The following RNF2 variants were observed in gnomAD, a reference collection of about 807,000 sequenced individuals.
RNF2 encodes ring finger protein 2.
Under a neutral mutation model 37.2 loss-of-function variants are expected in RNF2, and 6 were observed. The observed-to-expected ratio is 0.16, with a 90% CI of 0.09 to 0.32. The LOEUF (loss-of-function observed/expected upper bound fraction) is 0.32. Ranked by LOEUF, RNF2 falls within the 10% of genes least tolerant of loss-of-function variation. The probability of loss-of-function intolerance (pLI) is 1.00; values close to 1 mark genes in which losing one functional copy is unlikely to be tolerated. For synonymous variants in RNF2, 133 were observed against 132.7 expected (o/e 1.00, Z -0.02); for missense variants, 251 against 404.0 (o/e 0.62, Z 3.25).
chr1:185,097,507 CAATT>C (rs1468381341), intron 4 of RNF2, among the ~76,000 whole-genome samples: 38 of 152,208 alleles, frequency 2.5e-4, no homozygotes, highest in Non-Finnish European at 8.8e-5. Context: ...AAAGATTTGT[CAATT>C]AATTCTTATA....
At chr1:185,056,841 A>G (rs1650448698) in intron 1 of RNF2, among the ~76,000 whole-genome samples, 1 of 152,182 alleles carries the variant, frequency 6.6e-6, no homozygotes, top group African/African-American at 2.4e-5. Context: ...TTCATTTTTA[A>G]AATTTATTTT....
In RNF2 at chr1:185,087,496, C is replaced by G. The variant is rs145695013; in HGVS notation, c.-2-56C>G. ...TTTTGGTGGGACACATACATTCAGA[C>G]CATAGCACTTCCCTTCCAAATACTA... is the stretch of plus-strand genomic sequence containing the variant. On this transcript the variant is annotated intron_variant, in intron 1 of 6. Coordinates refer to ENST00000367510, the MANE Select transcript of RNF2 (RefSeq NM_007212.4). The G allele has an allele frequency of 1.3e-4, 179 of 1,422,970 alleles. No homozygotes were observed. The African/African-American group carries it at 2.3e-3, about 18-fold the overall frequency. The allele number at this position is 1,422,970 out of a possible 1,614,324, so 88.1% of individuals were successfully genotyped here.
At chr1:185,064,907 T>A (rs1650754855) in intron 1 of RNF2, among the ~76,000 whole-genome samples, 1 of 152,194 alleles carries the variant, frequency 6.6e-6, no homozygotes, top group South Asian at 2.1e-4. Context: ...TGAAACTGAT[T>A]GTTTTGTTTT....
At chr1:185,058,368 C>G (rs1303894485) in intron 1 of RNF2, among the ~76,000 whole-genome samples, 1 of 152,096 alleles carries the variant, frequency 6.6e-6, no homozygotes, top group Non-Finnish European at 1.5e-5. Context: ...GGACTGTACT[C>G]TGTAATTTTG....
At position 185,076,268 on chromosome 1, in the gene RNF2, G is replaced by GTTTTTTTTTTTTTTTT. The variant is rs71101959; in HGVS notation, c.-2-11259_-2-11244dup. The stretch of plus-strand genomic sequence containing the variant: ...TTTTCTTCTAGATCTTTTATGGGTT[G>GTTTTTTTTTTTTTTTT]TTTTTTTTTTTTTTTTTTTTTTTTT... On this transcript the variant is annotated intron_variant, in intron 1 of 6. Coordinates refer to ENST00000367510, the MANE Select transcript of RNF2 (RefSeq NM_007212.4). 1.8e-3 allele frequency among the ~76,000 whole-genome samples: 48 copies of GTTTTTTTTTTTTTTTT among 27,344 alleles called. 20 individuals carry two copies. The highest frequency in any genetic ancestry group is 3.0e-3 in the Non-Finnish European group (40 of 13,180). The allele number at this position is 27,344 out of a possible 152,430, so 17.9% of individuals were successfully genotyped here. A position where few individuals can be genotyped will look rare whatever the true frequency, so the allele number is the denominator to read the frequency against.
chr1:185,094,292 G>A (rs939299276), intron 4 of RNF2, among the ~76,000 whole-genome samples: 1 of 151,896 alleles, frequency 6.6e-6, no homozygotes, highest in Non-Finnish European at 1.5e-5. Flanking sequence ...ACAGGTGCAC[G>A]CCACCATGCC....
At chr1:185,097,798 G>A (rs776634748) in intron 4 of RNF2, among the ~76,000 whole-genome samples, 1 of 152,226 alleles carries the variant, frequency 6.6e-6, no homozygotes, top group Non-Finnish European at 1.5e-5. Flanking sequence ...GCCTCTCAAT[G>A]TGTTGGGTTT....
At chr1:185,071,513 C>T (rs1012504959) in intron 1 of RNF2, 2 of 152,186 alleles carry the variant, frequency 1.3e-5, no homozygotes, top group African/African-American at 4.8e-5. Flanking sequence ...GCTTAACTTC[C>T]CCTTTGGCAT....
At chr1:185,051,196 AT>A (rs1365016597) in intron 1 of RNF2, among the ~76,000 whole-genome samples, 1 of 152,148 alleles carries the variant, frequency 6.6e-6, no homozygotes, top group Admixed American at 6.5e-5. Context: ...AACCCTCACT[AT>A]TTACACTGTT....
chr1:185,050,748 C>T (rs901275692), intron 1 of RNF2, among the ~76,000 whole-genome samples: 1 of 152,008 alleles, frequency 6.6e-6, no homozygotes, highest in African/African-American at 2.4e-5. Context: ...TGCATAGTAC[C>T]AATAGGTGAT....
intron 1 of RNF2, among the ~76,000 whole-genome samples, chr1:185,075,213 C>T (rs978095139): frequency 4.6e-5 from 7 of 151,960 alleles, no homozygotes; most frequent in South Asian, 2.1e-4. Context: ...AGGCTGGTTT[C>T]GAACTTCTGA....
Position 185,098,258 on chromosome 1 carries a change from T to A in RNF2, c.651T>A (p.Asp217Glu). 1 of 1,614,206 alleles carries A rather than the reference T, an allele frequency of 6.2e-7. No homozygotes were observed. The highest frequency in any genetic ancestry group is 8.5e-7 in the Non-Finnish European group (1 of 1,180,024). ...LDNNNAAMAI[D>E]PVMDGASEIE... ...ATAACAATGCAGCAATGGCAATTGA[T>A]CCAGTAATGGATGGTGCTAGTGAAA... The change falls in exon 5 of 7, where the codon GAT becomes GAA. Residue 217 changes from aspartate (D) to glutamate (E), a missense_variant. Physicochemically the swap from Asp to Glu is conservative, Grantham distance 45 (BLOSUM62 2). Transcript: ENST00000367510.
intron 1 of RNF2, among the ~76,000 whole-genome samples, chr1:185,071,327 A>G (rs138605460): frequency 2.5e-4 from 38 of 152,320 alleles, no homozygotes; most frequent in Non-Finnish European, 4.0e-4. Flanking sequence ...GCTAGTTTAT[A>G]GGGAAGATAT....
chr1:185,054,800 C>T (rs375653970), intron 1 of RNF2, among the ~76,000 whole-genome samples: 11 of 152,200 alleles, frequency 7.2e-5, no homozygotes, highest in Non-Finnish European at 1.5e-4. Flanking sequence ...CGGGGTCAAG[C>T]GATCTTGCCA....
At chr1:185,047,761 CAG>C (rs1650159717) in intron 1 of RNF2, among the ~76,000 whole-genome samples, 1 of 152,188 alleles carries the variant, frequency 6.6e-6, no homozygotes, top group Non-Finnish European at 1.5e-5. Context: ...AAATCCATCA[CAG>C]TTTGCAGCTT....
chr1:185,050,843 A>C (rs1427491145), intron 1 of RNF2, among the ~76,000 whole-genome samples: 1 of 152,214 alleles, frequency 6.6e-6, no homozygotes, highest in East Asian at 1.9e-4. Flanking sequence ...GCTAAATAAA[A>C]TTCTCTCCTA....
rs77310047 is a variant in RNF2, at chr1:185,063,649, G to A, written c.-3+18000G>A. Among the ~76,000 whole-genome samples the A allele has an allele frequency of 5.5e-3, 838 of 152,232 alleles. 32 individuals carry two copies. In the East Asian group the frequency reaches 0.086, roughly 16 times the overall value. On this transcript the variant is annotated intron_variant, in intron 1 of 6. Transcript: ENST00000367510. Reference sequence around the variant, plus strand: ...CACAAACTTACTATTTTACAGTTCTGGCAGTAAGAAGTCCAAAATGAGTCT... The same window carrying A: ...CACAAACTTACTATTTTACAGTTCTAGCAGTAAGAAGTCCAAAATGAGTCT...
rs551691195 is a variant in RNF2 at position 185,101,787 on chromosome 1, T to G, written c.*1486T>G. On this transcript the variant is annotated 3_prime_UTR_variant, in exon 7 of 7. Coordinates refer to ENST00000367510, the MANE Select transcript of RNF2 (RefSeq NM_007212.4). ...TGAAAACTTAAAGGTATATATTCAA[T>G]TTTTTACCATTTTATGGAAAATATT... is the stretch of plus-strand genomic sequence containing the variant. The G allele has an allele frequency of 6.6e-6, 1 of 152,342 alleles. No individual in the cohort carries two copies. Among genetic ancestry groups the G allele is most frequent in the East Asian group, 1.9e-4 (1 of 5,182 alleles). 9.4% of individuals were successfully genotyped at this position (152,342 alleles called of 1,614,324 possible). A position where few individuals can be genotyped will look rare whatever the true frequency, so the allele number is the denominator to read the frequency against.
At chr1:185,077,308 A>G (rs1651197390) in intron 1 of RNF2, among the ~76,000 whole-genome samples, 1 of 135,228 alleles carries the variant, frequency 7.4e-6, no homozygotes, top group South Asian at 2.3e-4. Flanking sequence ...CCTCCCTCCT[A>G]CTTCTCTCCC....
Sources: gnomAD v4.1 joint callset for allele counts (sites outside exome capture counted in the v4.1 genomes callset) on GRCh38, gnomAD v4.1.1 for gene constraint, MANE v1.5 for transcripts, NCBI Gene and HGNC (gene_info 2026-07-23, HGNC 2026-07-21) for gene names.